The following LRRC7 variants were observed in gnomAD, a reference collection of about 807,000 sequenced individuals.
The protein encoded by LRRC7 is leucine rich repeat containing 7, also known as leucine-rich repeat-containing protein 7.
In LRRC7, 23 loss-of-function variants were observed where a neutral mutation model predicts 175.7. The observed-to-expected ratio is 0.13, with a 90% CI of 0.09 to 0.19. The LOEUF (loss-of-function observed/expected upper bound fraction) is 0.19, where lower values mean the gene tolerates loss of function less well. Among genes scored for constraint, LRRC7 ranks in the 10% least tolerant of loss-of-function variants. The pLI, the probability that LRRC7 is intolerant of heterozygous loss-of-function variation, is 1.00. For synonymous variants in LRRC7, 685 were observed against 680.9 expected, an observed-to-expected ratio of 1.01 and a Z score of -0.09; for missense variants, 1,354 against 1,904.7, an observed-to-expected ratio of 0.71 and a Z score of 5.38.
intron 7 of LRRC7, among the ~76,000 whole-genome samples, chr1:69,897,183 A>T (rs980306233): frequency 6.6e-6 from 1 of 152,162 alleles, no homozygotes; most frequent in Non-Finnish European, 1.5e-5. Flanking sequence ...GTCATATCAC[A>T]TTGCTAGTAA....
At chr1:69,743,205 G>C (rs148241672) in intron 2 of LRRC7, among the ~76,000 whole-genome samples, 218 of 152,060 alleles carry the variant, frequency 1.4e-3, no homozygotes, top group African/African-American at 4.6e-3. Flanking sequence ...AGCAGGTTAG[G>C]GTCAAGATAA....
intron 26 of LRRC7, among the ~76,000 whole-genome samples, chr1:70,115,463 T>TTGTTC (rs57395476): frequency 0.071 from 10,867 of 152,264 alleles, 467 homozygotes; most frequent in South Asian, 0.18. Flanking sequence ...TTGTTTTGTT[T>TTGTTC]AACACTAGTC....
In LRRC7 at chr1:70,004,860, AAT is replaced by A. The variant is rs1332508611; in HGVS notation, c.1005-6935_1005-6934del. Among the ~76,000 whole-genome samples the A allele has an allele frequency of 2.6e-5, 4 of 152,206 alleles. No individual in the cohort carries two copies. In the East Asian group the frequency reaches 7.7e-4, roughly 29 times the overall value. ...TCTACTAAATCTTTGTTAATACAAT[AAT>A]AGTTTTTCAGAGTCATCTGAAATTT... On this transcript the variant is annotated intron_variant, in intron 11 of 26. Coordinates refer to ENST00000651989, the MANE Select transcript of LRRC7 (RefSeq NM_001370785.2).
intron 3 of LRRC7, among the ~76,000 whole-genome samples, chr1:69,784,513 C>T (rs569058753): frequency 1.3e-5 from 2 of 152,316 alleles, no homozygotes; most frequent in South Asian, 4.1e-4. Context: ...GAGGAGCTCA[C>T]AGTTTGATGC....
Position 69,701,913 on chromosome 1 carries a change from T to G in LRRC7, c.100+23435T>G, listed in dbSNP as rs967018577. On this transcript the variant is annotated intron_variant, in intron 2 of 26. Transcript: ENST00000651989. ...ATACAAGCTAAAGGAAAGATTCCAT[T>G]TTACGTATTTAAAATGCTTGAGCTG... Among the ~76,000 whole-genome samples, 6 of 152,302 alleles carry G rather than the reference T, an allele frequency of 3.9e-5. No homozygotes were observed. The East Asian group carries it at 1.2e-3, about 29-fold the overall frequency.
At chr1:70,018,493 A>G (rs370041825) in intron 14 of LRRC7, among the ~76,000 whole-genome samples, 2 of 152,182 alleles carry the variant, frequency 1.3e-5, no homozygotes, top group East Asian at 3.9e-4. Flanking sequence ...ATAGGTTTTG[A>G]TAAGTTTTGT....
At chr1:70,021,361 T>A (rs1657476749) in intron 16 of LRRC7, 1 of 344,144 alleles carries the variant, frequency 2.9e-6, no homozygotes, top group South Asian at 3.7e-5. Context: ...ACAGAATAAC[T>A]GCATGAGAGA....
At chr1:69,924,799 C>T (rs183419744) in intron 7 of LRRC7, among the ~76,000 whole-genome samples, 215 of 152,294 alleles carry the variant, frequency 1.4e-3, no homozygotes, top group Non-Finnish European at 2.0e-3. Flanking sequence ...ATTTCTTTCT[C>T]ATGCCTGATT....
intron 11 of LRRC7, among the ~76,000 whole-genome samples, chr1:69,994,913 C>T (rs1328869927): frequency 3.3e-5 from 5 of 152,048 alleles, no homozygotes; most frequent in Non-Finnish European, 7.4e-5. Flanking sequence ...TATACTCTTG[C>T]TGATATTTTT....
intron 1 of LRRC7, among the ~76,000 whole-genome samples, chr1:69,569,440 T>C (rs1347025883): frequency 6.6e-6 from 1 of 151,900 alleles, no homozygotes; most frequent in Non-Finnish European, 1.5e-5. Flanking sequence ...CTCCGAGTTA[T>C]TAAGGATGCA....
intron 2 of LRRC7, among the ~76,000 whole-genome samples, chr1:69,701,983 A>G (rs1017995841): frequency 1.3e-5 from 2 of 152,236 alleles, no homozygotes; most frequent in African/African-American, 4.8e-5. Flanking sequence ...CTTTGCATTA[A>G]TAATTTTTAA....
chr1:69,974,626 C>T (rs1160383403), intron 8 of LRRC7, among the ~76,000 whole-genome samples: 1 of 152,056 alleles, frequency 6.6e-6, no homozygotes, highest in Non-Finnish European at 1.5e-5. Flanking sequence ...TTCCAAGATC[C>T]ACTTTAAAAT....
At chr1:69,637,430 G>A (rs1275534595) in intron 1 of LRRC7, among the ~76,000 whole-genome samples, 1 of 151,822 alleles carries the variant, frequency 6.6e-6, no homozygotes, top group Non-Finnish European at 1.5e-5. Flanking sequence ...AAAAAGAGTA[G>A]CAATACAAGA....
At chr1:69,789,141 A>G (rs561513343) in intron 3 of LRRC7, among the ~76,000 whole-genome samples, 3 of 152,204 alleles carry the variant, frequency 2.0e-5, no homozygotes, top group African/African-American at 7.2e-5. Context: ...TCAGTTCTAA[A>G]TGTTTACTTT....
intron 7 of LRRC7, among the ~76,000 whole-genome samples, chr1:69,915,229 T>C (rs745577822): frequency 6.6e-6 from 1 of 152,034 alleles, no homozygotes; most frequent in Non-Finnish European, 1.5e-5. Flanking sequence ...TAATCATAAA[T>C]GCAAGGAGAG....
chr1:69,610,524 G>C (rs1228159795), intron 1 of LRRC7, among the ~76,000 whole-genome samples: 1 of 151,840 alleles, frequency 6.6e-6, no homozygotes, highest in Non-Finnish European at 1.5e-5. Flanking sequence ...CTAGTAATTT[G>C]ATTTTTTAAA....
intron 3 of LRRC7, among the ~76,000 whole-genome samples, chr1:69,784,400 C>T (rs570476824): frequency 1.3e-5 from 2 of 152,204 alleles, no homozygotes; most frequent in East Asian, 3.9e-4. Flanking sequence ...ATACATATTA[C>T]ATACGCTCTT....
At chr1:70,045,869 A>G (rs868312359) in intron 22 of LRRC7, among the ~76,000 whole-genome samples, 1 of 152,098 alleles carries the variant, frequency 6.6e-6, no homozygotes, top group Admixed American at 6.6e-5. Context: ...ATCTCATGAG[A>G]CTTATTCATT....
intron 1 of LRRC7, among the ~76,000 whole-genome samples, chr1:69,632,167 T>C (rs920337145): frequency 7.9e-5 from 12 of 152,174 alleles, no homozygotes; most frequent in Non-Finnish European, 1.5e-5. Context: ...CATTTCTTCC[T>C]GTGGCAAGTG....
Sources: gnomAD v4.1 joint callset for allele counts (sites outside exome capture counted in the v4.1 genomes callset) on GRCh38, gnomAD v4.1.1 for gene constraint, MANE v1.5 for transcripts, NCBI Gene and HGNC (gene_info 2026-07-23, HGNC 2026-07-21) for gene names.